NAP1L4: variants seen among roughly 807,000 people sequenced by gnomAD.
NAP1L4 encodes nucleosome assembly protein 1-like 4.
In NAP1L4, 15 loss-of-function variants were observed where a neutral mutation model predicts 58.2. The ratio of observed to expected loss-of-function variants is 0.26; its 90% CI spans 0.17 to 0.40. The LOEUF (loss-of-function observed/expected upper bound fraction) is 0.40. Ranked by LOEUF, NAP1L4 falls within the 10% of genes least tolerant of loss-of-function variation. The pLI, the probability that NAP1L4 is intolerant of heterozygous loss-of-function variation, is 1.00. For synonymous variants in NAP1L4, 171 were observed against 155.6 expected, an observed-to-expected ratio of 1.10 and a Z score of -0.74; for missense variants, 384 against 451.1, an observed-to-expected ratio of 0.85 and a Z score of 1.35.
intron 3 of NAP1L4, among the ~76,000 whole-genome samples, chr11:2,977,075 T>G (rs141265512): frequency 6.6e-6 from 1 of 152,326 alleles, no homozygotes; most frequent in African/African-American, 2.4e-5. Flanking sequence ...ACACAACCAC[T>G]AACATGAAGC....
chr11:2,958,001 G>A (rs1018068878), intron 10 of NAP1L4, among the ~76,000 whole-genome samples: 12 of 152,228 alleles, frequency 7.9e-5, no homozygotes, highest in Admixed American at 2.0e-4. Context: ...TGGTCCCCGG[G>A]GGGTGCGAAC....
Position 2,951,148 on chromosome 11 carries a change from AT to A in NAP1L4, c.1122+110del, listed in dbSNP as rs1447615606. 8.5e-6 allele frequency: 7 copies of A among 824,998 alleles called. No individual in the cohort carries two copies. Among genetic ancestry groups the A allele is most frequent in the Non-Finnish European group, 1.4e-5 (7 of 495,810 alleles). 51.1% of individuals were successfully genotyped at this position (824,998 alleles called of 1,614,324 possible). Reference sequence around the variant, plus strand: ...TTTCTGACACATTTTAAACTTTCTAATTAGGGAATAATGAATATTGTTAACA... The same window carrying A: ...TTTCTGACACATTTTAAACTTTCTAATAGGGAATAATGAATATTGTTAACA... On this transcript the variant is annotated intron_variant, in intron 14 of 15. Transcript: ENST00000380542. The surrounding 1 kb of genome is among the most constrained non-coding windows in gnomAD (Gnocchi z 4.0).
At chr11:2,988,274 G>A (rs1431917940) in intron 1 of NAP1L4, 2 of 152,230 alleles carry the variant, frequency 1.3e-5, no homozygotes, top group East Asian at 3.8e-4. Flanking sequence ...GACTCAATGA[G>A]GCTAACTTCT....
chr11:2,991,067 G>A (rs1564995693), intron 1 of NAP1L4: 8 of 456,414 alleles, frequency 1.8e-5, no homozygotes, highest in South Asian at 1.2e-4. Flanking sequence ...CCAAAGCACA[G>A]ACGAATGTGC....
rs2237905 is a variant in NAP1L4, at chr11:2,955,354, T to C, written c.915+390A>G. On this transcript the variant is annotated intron_variant, in intron 11 of 15. Transcript: ENST00000380542. This position sits in a 1 kb window ranked among gnomAD's most constrained non-coding sequence, Gnocchi z 4.2. ...TGAGATTACAGGCGCTGCCACCGTG[T>C]CCAACTAATTTTTTTTTTTTTTGGT... 0.27 allele frequency among the ~76,000 whole-genome samples: 40,082 copies of C among 149,760 alleles called. 7,061 individuals carry two copies. Among genetic ancestry groups the C allele is most frequent in the East Asian group, 0.67 (3,469 of 5,148 alleles).
intron 3 of NAP1L4, among the ~76,000 whole-genome samples, chr11:2,977,482 G>A (rs1848033177): frequency 6.6e-6 from 1 of 152,182 alleles, no homozygotes; most frequent in Non-Finnish European, 1.5e-5. Context: ...GACAACAGTG[G>A]CCCAGAGCGC....
chr11:2,951,447 C>A lies in NAP1L4; in HGVS notation c.1066-132G>T. The A allele has an allele frequency of 1.3e-6, 1 of 777,936 alleles. No individual in the cohort carries two copies. The allele number at this position is 777,936 out of a possible 1,614,324, so 48.2% of individuals were successfully genotyped here. ...TTACTGCTACCCACAAGTGACTCAT[C>A]ACTTCCTTTGGACACTTAGAATTAT... is the stretch of plus-strand genomic sequence containing the variant. On this transcript the variant is annotated intron_variant, in intron 13 of 15. Transcript: ENST00000380542. This position sits in a 1 kb window ranked among gnomAD's most constrained non-coding sequence, Gnocchi z 4.0.
At chr11:2,984,348 G>A (rs980879400) in intron 1 of NAP1L4, among the ~76,000 whole-genome samples, 9 of 152,164 alleles carry the variant, frequency 5.9e-5, no homozygotes, top group Non-Finnish European at 1.0e-4. Flanking sequence ...CGAGGCGAGC[G>A]GATCATCTGA....
chr11:2,972,284 A>G, intron 4 of NAP1L4, 41 bp from the exon 5 acceptor site: 3 of 1,531,044 alleles, frequency 2.0e-6, no homozygotes, highest in Non-Finnish European at 2.6e-6. Flanking sequence ...TCATGCCTGC[A>G]AAATAAAGCA....
At position 2,945,298 on chromosome 11, in the gene NAP1L4, C is replaced by T. The variant is rs1845882766; in HGVS notation, c.*381G>A. ...TCGGCCCTTTTTGCCAAGTGACCCC[C>T]ACCCCACCCTGATGTGGTCTACAGG... On this transcript the variant is annotated 3_prime_UTR_variant, in exon 16 of 16. Coordinates refer to ENST00000380542, the MANE Select transcript of NAP1L4 (RefSeq NM_005969.4). The T allele has an allele frequency of 6.8e-6, 2 of 295,236 alleles. No individual in the cohort carries two copies. Among genetic ancestry groups the T allele is most frequent in the African/African-American group, 2.2e-5 (1 of 46,280 alleles). The allele number at this position is 295,236 out of a possible 1,614,324, so 18.3% of individuals were successfully genotyped here.
In NAP1L4 at chr11:2,969,041, A is replaced by G. The variant is rs1214862261; in HGVS notation, c.534+762T>C. On this transcript the variant is annotated intron_variant, in intron 7 of 15. Transcript: ENST00000380542. ...AGGGTCTCGTCACCCACCAGGATGG[A>G]GTGCAGCACCGTGATCACAGCTCAC... 5.6e-5 allele frequency among the ~76,000 whole-genome samples: 8 copies of G among 143,260 alleles called. No individual in the cohort carries two copies. The East Asian group carries it at 1.7e-3, about 30-fold the overall frequency. 94.0% of individuals were successfully genotyped at this position (143,260 alleles called of 152,430 possible).
In NAP1L4 at chr11:2,991,247, T is replaced by TA. The variant is rs1229862584; in HGVS notation, c.-18+1006dup. The TA allele has an allele frequency of 4.4e-5, 19 of 427,924 alleles. 2 individuals are homozygous for TA. Among genetic ancestry groups the TA allele is most frequent in the East Asian group, 4.4e-4 (6 of 13,732 alleles). 26.5% of individuals were successfully genotyped at this position (427,924 alleles called of 1,614,324 possible). On this transcript the variant is annotated intron_variant, in intron 1 of 15. Transcript: ENST00000380542. The stretch of plus-strand genomic sequence containing the variant: ...CTGCCTCCTGCCCCGCAATCAGACT[T>TA]AGAGAACTGTGGACGGTGGAAAGTC...
chr11:2,970,240 C>T (rs16928941), intron 6 of NAP1L4, among the ~76,000 whole-genome samples: 15,997 of 152,160 alleles, frequency 0.11, 993 homozygotes, highest in African/African-American at 0.16. Flanking sequence ...CTGTGAGGTG[C>T]CATCCTGAGA....
chr11:2,945,902 T>G (rs918264889), intron 15 of NAP1L4, among the ~76,000 whole-genome samples: 1 of 152,008 alleles, frequency 6.6e-6, no homozygotes, highest in Non-Finnish European at 1.5e-5. Context: ...AGCAGGAGGG[T>G]TTTGGGGCTC....
chr11:2,956,887 C>T (rs905495775), intron 10 of NAP1L4, among the ~76,000 whole-genome samples: 3 of 152,148 alleles, frequency 2.0e-5, no homozygotes, highest in African/African-American at 4.8e-5. Context: ...TTACCTATTC[C>T]GCAGCCATCC....
intron 7 of NAP1L4, among the ~76,000 whole-genome samples, chr11:2,969,510 C>A (rs1415236882): frequency 1.3e-5 from 2 of 152,096 alleles, no homozygotes; most frequent in Non-Finnish European, 2.9e-5. Context: ...TTCCCACAGG[C>A]AAGACAACAG....
chr11:2,953,586 A>T (rs1050233363), intron 12 of NAP1L4, among the ~76,000 whole-genome samples: 1 of 152,250 alleles, frequency 6.6e-6, no homozygotes, highest in Non-Finnish European at 1.5e-5. Flanking sequence ...CTGACCTGCA[A>T]TCACCTCCCA....
chr11:2,946,548 A>G lies in NAP1L4; in HGVS notation c.*33-902T>C, dbSNP rs937363400. On this transcript the variant is annotated intron_variant, in intron 15 of 15. Coordinates refer to ENST00000380542, the MANE Select transcript of NAP1L4 (RefSeq NM_005969.4). The surrounding 1 kb of genome is among the most constrained non-coding windows in gnomAD (Gnocchi z 4.8). ...AAATTGCCCTTAATCCAGCGTGCCTATGGAACCTAAGAACTTGTACTGTAT... is the reference window on the plus strand; with the variant it reads ...AAATTGCCCTTAATCCAGCGTGCCTGTGGAACCTAAGAACTTGTACTGTAT... Among the ~76,000 whole-genome samples, 5 of 152,336 alleles carry G rather than the reference A, an allele frequency of 3.3e-5. No individual in the cohort carries two copies. Among genetic ancestry groups the G allele is most frequent in the Non-Finnish European group, 5.9e-5 (4 of 68,036 alleles).
chr11:2,955,238 G>A lies in NAP1L4; in HGVS notation c.915+506C>T, dbSNP rs1007059179. 2.6e-5 allele frequency among the ~76,000 whole-genome samples: 4 copies of A among 151,840 alleles called. No homozygotes were observed. Among genetic ancestry groups the A allele is most frequent in the South Asian group, 2.1e-4 (1 of 4,798 alleles). Reference sequence around the variant, plus strand: ...TTTTGAGACGGAGTCTTGCTCTGTCGCCCAATGGAATACGGTGGTGCAATC... The same window carrying A: ...TTTTGAGACGGAGTCTTGCTCTGTCACCCAATGGAATACGGTGGTGCAATC... On this transcript the variant is annotated intron_variant, in intron 11 of 15. Transcript: ENST00000380542. This position sits in a 1 kb window ranked among gnomAD's most constrained non-coding sequence, Gnocchi z 4.2.
Sources: gnomAD v4.1 joint callset for allele counts (sites outside exome capture counted in the v4.1 genomes callset) on GRCh38, gnomAD v4.1.1 for gene constraint, Gnocchi (gnomAD v3.1) non-coding constraint, MANE v1.5 for transcripts, NCBI Gene and HGNC (gene_info 2026-07-23, HGNC 2026-07-21) for gene names.